The following C5 variants were observed in gnomAD, a reference collection of about 807,000 sequenced individuals.
C5 encodes the protein C3 and PZP-like alpha-2-macroglobulin domain-containing protein 4.
Under a neutral mutation model 218.8 loss-of-function variants are expected in C5, and 140 were observed. The ratio of observed to expected loss-of-function variants is 0.64; its 90% confidence interval spans 0.56 to 0.74. The LOEUF (loss-of-function observed/expected upper bound fraction) is 0.74. Among genes scored for constraint, C5 ranks in the 30% least tolerant of loss-of-function variants. The pLI, the probability that C5 is intolerant of heterozygous loss-of-function variation, is 0.00. For missense variants in C5, 1,700 were observed against 1,969.6 expected (o/e 0.86, Z 2.59); for synonymous variants, 614 against 682.3 (o/e 0.90, Z 1.56).
chr9:120,974,091 G>A (rs924241669), intron 30 of C5, among the ~76,000 whole-genome samples: 1 of 152,148 alleles, frequency 6.6e-6, no homozygotes, highest in Admixed American at 6.5e-5. Context: ...TTAAAATAAT[G>A]CAAACACAGT....
Position 120,962,726 on chromosome 9 carries a change from A to G in C5, c.4449T>C (p.Phe1483=). The change falls in exon 36 of 41, where the codon TTT becomes TTC. Residue 1483 remains phenylalanine (F), a synonymous_variant. Coordinates refer to ENST00000223642, the MANE Select transcript of C5 (RefSeq NM_001735.3). The part of the protein sequence containing the change: ...LCVRFRIFEL[F]EVGFLSPATF... ...TGGCAGGACTGAGAAACCCAACTTC[A>G]AAGAGTTCAAATATCCGGAATCGTA... 6.2e-7 allele frequency: 1 copy of G among 1,614,150 alleles called. No homozygotes were observed. The highest frequency in any genetic ancestry group is 1.3e-5 in the African/African-American group (1 of 75,066).
rs151057414 is a variant in C5 at position 121,012,480 on chromosome 9, C to T, written c.2257+1393G>A. 1.7e-4 allele frequency among the ~76,000 whole-genome samples: 26 copies of T among 152,284 alleles called. No individual in the cohort carries two copies. The East Asian group carries it at 4.0e-3, about 24-fold the overall frequency. Reference sequence around the variant, plus strand: ...AGTGAGCTGAGACTGCGCCATTGCACTCCAGCCTGGGCAACAAAAACAAAA... The same window carrying T: ...AGTGAGCTGAGACTGCGCCATTGCATTCCAGCCTGGGCAACAAAAACAAAA... On this transcript the variant is annotated intron_variant, in intron 17 of 40. Coordinates refer to ENST00000223642, the MANE Select transcript of C5 (RefSeq NM_001735.3).
chr9:121,022,357 T>C (rs2047373668), intron 10 of C5, among the ~76,000 whole-genome samples: 1 of 150,548 alleles, frequency 6.6e-6, no homozygotes, highest in Non-Finnish European at 1.5e-5. Flanking sequence ...ATTTTACTTT[T>C]ATATAAACAT....
At chr9:121,028,557 A>C (rs1229144955) in intron 7 of C5, among the ~76,000 whole-genome samples, 1 of 152,194 alleles carries the variant, frequency 6.6e-6, no homozygotes, top group Admixed American at 6.5e-5. Flanking sequence ...ACATGGATGA[A>C]GCTGGAAACC....
intron 15 of C5, 48 bp downstream of exon 15, chr9:121,016,206 G>A: frequency 6.2e-7 from 1 of 1,610,018 alleles, no homozygotes. Flanking sequence ...GATCTGGGGG[G>A]CAAATGATCA....
chr9:120,956,975 AATT>A (rs2046789546), intron 39 of C5: 23 of 350,924 alleles, frequency 6.6e-5, no homozygotes, highest in South Asian at 5.3e-4. Flanking sequence ...CAAAACATGC[AATT>A]TACCCATGTA....
chr9:121,060,975 G>A, the C5 span, among the ~76,000 whole-genome samples: 19,735 of 152,124 alleles, frequency 0.13, 1,411 homozygotes, highest in East Asian at 0.18. Flanking sequence ...ATCACCTGAG[G>A]TCAGGAGTTC....
At chr9:121,062,584 A>G in the C5 span, among the ~76,000 whole-genome samples, 1 of 152,190 alleles carries the variant, frequency 6.6e-6, no homozygotes, top group African/African-American at 2.4e-5. Context: ...TGGCAGAGTA[A>G]ACAAAGAATG....
upstream of C5, among the ~76,000 whole-genome samples, chr9:121,054,493 A>C (rs553366850): frequency 3.3e-5 from 5 of 152,266 alleles, no homozygotes; most frequent in African/African-American, 9.6e-5. Context: ...CCAGCTACTC[A>C]GGAGGCTGAG....
chr9:121,062,543 G>C, the C5 span, among the ~76,000 whole-genome samples: 1 of 152,042 alleles, frequency 6.6e-6, no homozygotes, highest in Non-Finnish European at 1.5e-5. Flanking sequence ...ACTTCACAAG[G>C]AATCTCCTCT....
At chr9:121,005,667 A>G (rs186818535) in intron 20 of C5, among the ~76,000 whole-genome samples, 2 of 152,352 alleles carry the variant, frequency 1.3e-5, no homozygotes, top group Non-Finnish European at 2.9e-5. Context: ...GGACTTCCAC[A>G]GCACATGGAT....
At chr9:120,960,215 T>C in intron 38 of C5, 33 bp downstream of exon 38, 4 of 1,361,264 alleles carry the variant, frequency 2.9e-6, no homozygotes, top group Non-Finnish European at 4.2e-6. Context: ...AAATTTCATG[T>C]TTAAAGGAGC....
upstream of C5, among the ~76,000 whole-genome samples, chr9:121,050,726 G>A (rs2047665737): frequency 6.6e-6 from 1 of 152,100 alleles, no homozygotes; most frequent in Non-Finnish European, 1.5e-5. Flanking sequence ...TTTTTTTGGT[G>A]ACCTGAATGG....
intron 33 of C5, among the ~76,000 whole-genome samples, chr9:120,968,026 A>C (rs1283478281): frequency 6.6e-6 from 1 of 152,026 alleles, no homozygotes; most frequent in Non-Finnish European, 1.5e-5. Context: ...CCGGCAAAAA[A>C]CCTACACTTT....
rs767401462 is a variant in C5, at chr9:121,021,624, T to A, written c.1187A>T (p.Asp396Val). 2 of 1,613,908 alleles carry A rather than the reference T, an allele frequency of 1.2e-6. No individual in the cohort carries two copies. Among genetic ancestry groups the A allele is most frequent in the Non-Finnish European group, 1.7e-6 (2 of 1,179,818 alleles). ...CAAGTCAGATGTCTCTTGGTTTACA[T>A]CAATTGTTTGTGCATTCAGTGTTAC... ...VPVTLNAQTI[D>V]VNQETSDLDP... The change falls in exon 11 of 41, where the codon GAT becomes GTT. Residue 396 changes from aspartate (D) to valine (V), a missense_variant. Asp to Val is a radical substitution (Grantham distance 152, BLOSUM62 -3). Transcript: ENST00000223642.
intron 20 of C5, chr9:121,000,010 G>T: frequency 2.4e-6 from 1 of 411,120 alleles, no homozygotes; most frequent in Non-Finnish European, 4.8e-6. Flanking sequence ...AGTGACCCGA[G>T]ATCTTCCCAT....
rs541225077 is a variant in C5, at chr9:120,968,725, T to C, written c.4220+336A>G. On this transcript the variant is annotated intron_variant, in intron 33 of 40. Coordinates refer to ENST00000223642, the MANE Select transcript of C5 (RefSeq NM_001735.3). ...GGATTTTGTTAGGTAAATGTGATTTTTCTAAGTAAGAGAGTAGGGGCTGTT... is the reference window on the plus strand; with the variant it reads ...GGATTTTGTTAGGTAAATGTGATTTCTCTAAGTAAGAGAGTAGGGGCTGTT... Among the ~76,000 whole-genome samples, 36 of 152,342 alleles carry C rather than the reference T, an allele frequency of 2.4e-4. 1 individual carries two copies. The highest frequency in any genetic ancestry group is 4.4e-4 in the Non-Finnish European group (30 of 68,036).
chr9:121,048,713 T>A (rs566014735), intron 1 of C5, among the ~76,000 whole-genome samples: 2 of 151,560 alleles, frequency 1.3e-5, no homozygotes, highest in South Asian at 4.2e-4. Flanking sequence ...AATCTATCCA[T>A]ATAAATAATT....
At chr9:120,983,217 T>C (rs1186815880) in intron 25 of C5, among the ~76,000 whole-genome samples, 1 of 152,222 alleles carries the variant, frequency 6.6e-6, no homozygotes, top group African/African-American at 2.4e-5. Flanking sequence ...TCTAAATTCC[T>C]ATCTGAGGCC....
Sources: allele counts gnomAD v4.1 joint callset (sites outside exome capture counted in the v4.1 genomes callset), GRCh38; gene constraint gnomAD v4.1.1; transcripts MANE v1.5; gene names NCBI Gene and HGNC (gene_info 2026-07-23, HGNC 2026-07-21).